Variants in METTL15 observed in about 807,000 individuals in gnomAD.
The protein encoded by METTL15 is methyltransferase 15, mitochondrial 12S rRNA N4-cytidine.
Under a neutral mutation model 38.3 loss-of-function variants are expected in METTL15, and 34 were observed. The ratio of observed to expected loss-of-function variants is 0.89; its 90% CI spans 0.68 to 1.18. The LOEUF is 1.18. Among genes scored for constraint, METTL15 ranks in the 50% most tolerant of loss-of-function variants. METTL15 has a pLI of 0.00. For synonymous variants in METTL15, 162 were observed against 170.9 expected (o/e 0.95, Z 0.41); for missense variants, 438 against 498.4 (o/e 0.88, Z 1.15).
chr11:28,234,147 T>C (rs1435944749), intron 4 of METTL15, among the ~76,000 whole-genome samples: 1 of 152,204 alleles, frequency 6.6e-6, no homozygotes, highest in South Asian at 2.1e-4. Context: ...TCATTTTTAA[T>C]GGCAGCGTAG....
At chr11:28,111,518 A>C (rs1851718206) in intron 2 of METTL15, among the ~76,000 whole-genome samples, 2 of 152,226 alleles carry the variant, frequency 1.3e-5, no homozygotes, top group African/African-American at 4.8e-5. Context: ...ATGAGATATT[A>C]CAGATATATA....
chr11:28,438,977 A>G (rs1851008842), intron 6 of METTL15, among the ~76,000 whole-genome samples: 1 of 151,382 alleles, frequency 6.6e-6, no homozygotes, highest in African/African-American at 2.4e-5. Context: ...GCGCCCAGCC[A>G]GACCACATTT....
downstream of METTL15, among the ~76,000 whole-genome samples, chr11:28,530,528 A>G (rs1268143101): frequency 6.6e-6 from 1 of 152,132 alleles, no homozygotes; most frequent in Non-Finnish European, 1.5e-5. Flanking sequence ...TTTCCAAAAA[A>G]GAAAGCCCTG....
intron 6 of METTL15, among the ~76,000 whole-genome samples, chr11:28,307,216 A>G (rs1293181663): frequency 6.6e-6 from 1 of 151,902 alleles, no homozygotes; most frequent in Non-Finnish European, 1.5e-5. Flanking sequence ...AAACAACAAG[A>G]AATATTTGCT....
intron 3 of METTL15, among the ~76,000 whole-genome samples, chr11:28,128,869 T>A (rs2133625265): frequency 6.6e-6 from 1 of 152,326 alleles, no homozygotes; most frequent in African/African-American, 2.4e-5. Flanking sequence ...GTACTAATGG[T>A]GTTTTAGGAG....
chr11:28,231,539 G>A (rs1472729561), intron 4 of METTL15, among the ~76,000 whole-genome samples: 1 of 151,544 alleles, frequency 6.6e-6, no homozygotes, highest in East Asian at 1.9e-4. Flanking sequence ...AAACTTTTCT[G>A]CTTACCACAG....
chr11:28,267,818 G>A (rs1321309738), intron 4 of METTL15, among the ~76,000 whole-genome samples: 3 of 152,172 alleles, frequency 2.0e-5, no homozygotes, highest in Non-Finnish European at 4.4e-5. Context: ...CAAAGTATGT[G>A]AAAACAAGGG....
In METTL15 at chr11:28,182,306, T is replaced by C. The variant is rs192342768; in HGVS notation, c.271-28756T>C. 4.1e-3 allele frequency among the ~76,000 whole-genome samples: 623 copies of C among 152,256 alleles called. 9 individuals are homozygous for C. The highest frequency in any genetic ancestry group is 0.014 in the African/African-American group (598 of 41,566). ...TGGCTTTTGTTGCCATTGCTTTTGG[T>C]ATTTTAGTCATGAAGTCTTTGCCCT... On this transcript the variant is annotated intron_variant, in intron 3 of 6. Coordinates refer to ENST00000407364, the MANE Select transcript of METTL15 (RefSeq NM_001113528.2).
intron 4 of METTL15, among the ~76,000 whole-genome samples, chr11:28,238,909 A>C (rs1457959649): frequency 1.3e-5 from 2 of 152,196 alleles, no homozygotes; most frequent in Non-Finnish European, 2.9e-5. Context: ...AGCCATCAGC[A>C]TCGTGTGTCA....
chr11:28,130,962 G>A (rs1278935200), intron 3 of METTL15, among the ~76,000 whole-genome samples: 4 of 152,166 alleles, frequency 2.6e-5, no homozygotes, highest in Non-Finnish European at 5.9e-5. Context: ...GACACTGTAA[G>A]TCATGGAGAC....
At chr11:28,163,281 G>GA in intron 3 of METTL15, 1 of 396,748 alleles carries the variant, frequency 2.5e-6, no homozygotes, top group Non-Finnish European at 4.4e-6. Flanking sequence ...AATGCTTGAA[G>GA]AAAAAAAAGT....
intron 6 of METTL15, among the ~76,000 whole-genome samples, chr11:28,463,895 G>A (rs1851236019): frequency 6.6e-6 from 1 of 151,962 alleles, no homozygotes; most frequent in South Asian, 2.1e-4. Flanking sequence ...ACCACTGGGT[G>A]GAACTAAACA....
intron 6 of METTL15, among the ~76,000 whole-genome samples, chr11:28,457,799 C>T (rs1303320828): frequency 1.3e-5 from 2 of 152,154 alleles, no homozygotes; most frequent in Non-Finnish European, 2.9e-5. Flanking sequence ...AAGAGATAGG[C>T]AAGAGTTGTG....
At chr11:28,445,672 G>A (rs1290962928) in intron 6 of METTL15, among the ~76,000 whole-genome samples, 1 of 151,846 alleles carries the variant, frequency 6.6e-6, no homozygotes, top group Non-Finnish European at 1.5e-5. Flanking sequence ...ATTTTTTTGA[G>A]ACAGGGTCTC....
chr11:28,163,887 T>G (rs1439080695), intron 3 of METTL15: 2 of 153,264 alleles, frequency 1.3e-5, no homozygotes, highest in Non-Finnish European at 2.9e-5. Flanking sequence ...TTTAATACAT[T>G]TTTCAAATTA....
At chr11:28,525,759 G>A (rs968179944) in intron 6 of METTL15, among the ~76,000 whole-genome samples, 14 of 152,278 alleles carry the variant, frequency 9.2e-5, no homozygotes, top group East Asian at 1.9e-4. Flanking sequence ...CACCGGGGCC[G>A]CAGGTGGAGC....
At chr11:28,359,134 T>G (rs1353042295) in intron 4 of METTL15, among the ~76,000 whole-genome samples, 1 of 152,208 alleles carries the variant, frequency 6.6e-6, no homozygotes, top group African/African-American at 2.4e-5. Context: ...CATCTTTATG[T>G]CCATGTGTAC....
chr11:28,316,224 G>T (rs947245505), intron 6 of METTL15, among the ~76,000 whole-genome samples: 1 of 152,236 alleles, frequency 6.6e-6, no homozygotes, highest in African/African-American at 2.4e-5. Flanking sequence ...GAGTGGAGCT[G>T]CCAAAGACCA....
rs893209227 is a variant in METTL15 at position 28,402,930 on chromosome 11, A to G, written c.*359-21369A>G. Among the ~76,000 whole-genome samples, 4 of 151,968 alleles carry G rather than the reference A, an allele frequency of 2.6e-5. No individual in the cohort carries two copies. In the East Asian group the frequency reaches 5.8e-4, roughly 22 times the overall value. On this transcript the variant is annotated intron_variant and NMD_transcript_variant, in intron 5 of 7. Transcript: ENST00000532947. ...AGCTCCCACTTATAAGTGAAACATG[A>G]TATTTGACTCTCTGTTTCTGAGTTA...
Sources: gnomAD v4.1 joint callset for allele counts (sites outside exome capture counted in the v4.1 genomes callset) on GRCh38, gnomAD v4.1.1 for gene constraint, MANE v1.5 for transcripts, NCBI Gene and HGNC (gene_info 2026-07-23, HGNC 2026-07-21) for gene names.